Variants in KLHDC10 observed in about 807,000 individuals in gnomAD.
KLHDC10 encodes the protein kelch domain containing 10.
A neutral mutation model predicts 56.1 loss-of-function variants in KLHDC10; 24 were observed. The observed-to-expected ratio is 0.43, with a 90% CI of 0.31 to 0.60. KLHDC10 has a LOEUF of 0.60. Ranked by LOEUF, KLHDC10 falls within the 20% of genes least tolerant of loss-of-function variation. The pLI is 0.11. For missense variants in KLHDC10, 349 were observed against 567.0 expected, an observed-to-expected ratio of 0.62 and a Z score of 3.91; for synonymous variants, 188 against 207.1, an observed-to-expected ratio of 0.91 and a Z score of 0.79.
intron 2 of KLHDC10, among the ~76,000 whole-genome samples, chr7:130,102,752 G>C (rs1248451267): frequency 6.6e-6 from 1 of 152,204 alleles, no homozygotes; most frequent in African/African-American, 2.4e-5. Flanking sequence ...CTTGGACCTG[G>C]GAGGCAAAGG....
intron 1 of KLHDC10, among the ~76,000 whole-genome samples, chr7:130,078,541 CAG>C (rs1491346298): frequency 3.3e-5 from 5 of 151,730 alleles, no homozygotes; most frequent in African/African-American, 4.8e-5. Context: ...TTTTTTGAGA[CAG>C]AGTCTCGCTC....
intron 2 of KLHDC10, among the ~76,000 whole-genome samples, chr7:130,110,165 C>T (rs1471225116): frequency 6.6e-6 from 1 of 152,140 alleles, no homozygotes; most frequent in East Asian, 1.9e-4. Flanking sequence ...GCAGGACTAC[C>T]ACTGAAATAA....
At chr7:130,070,955 G>A (rs1795400563) in intron 1 of KLHDC10, 146 bp downstream of exon 1, 1 of 495,078 alleles carries the variant, frequency 2.0e-6, no homozygotes, top group South Asian at 1.1e-4. Context: ...GAAAAGGGAA[G>A]GTGTCTTTGA....
At chr7:130,108,195 A>G (rs1796042507) in intron 2 of KLHDC10, among the ~76,000 whole-genome samples, 1 of 151,412 alleles carries the variant, frequency 6.6e-6, no homozygotes, top group Non-Finnish European at 1.5e-5. Context: ...GCCACTGTAC[A>G]CCAGCCTGGG....
rs1795394106 is a variant in KLHDC10 at position 130,070,727 on chromosome 7, C to T, written c.84C>T (p.Gly28=). 6 of 543,680 alleles carry T rather than the reference C, an allele frequency of 1.1e-5. No homozygotes were observed. In the East Asian group the frequency reaches 1.3e-4, roughly 11 times the overall value. 33.7% of individuals were successfully genotyped at this position (543,680 alleles called of 1,614,324 possible). A position where few individuals can be genotyped will look rare whatever the true frequency, so the allele number is the denominator to read the frequency against. Residue 28 remains glycine, a synonymous_variant, in exon 1 of 10, where the codon GGC becomes GGT. Transcript: ENST00000335420. The part of the protein sequence containing the change: ...AGAGGGGSGA[G]GGSGGSGGRG... ...CTGGTGGCGGAGGTAGCGGGGCCGG[C>T]GGGGGCAGTGGGGGCAGCGGGGGTC...
intron 1 of KLHDC10, among the ~76,000 whole-genome samples, chr7:130,079,878 C>G (rs35777013): frequency 8.1e-6 from 1 of 124,184 alleles, no homozygotes. Context: ...TTCTTCCTCC[C>G]TCCCTCCCTT....
chr7:130,106,160 A>AAAT (rs1174767781), intron 2 of KLHDC10, among the ~76,000 whole-genome samples: 2 of 151,540 alleles, frequency 1.3e-5, no homozygotes, highest in African/African-American at 4.8e-5. Flanking sequence ...ATAAATAAAT[A>AAAT]AAATAAATAA....
At chr7:130,079,717 GCCTTCCTGCCTT>G (rs1250992492) in intron 1 of KLHDC10, among the ~76,000 whole-genome samples, 6 of 90,910 alleles carry the variant, frequency 6.6e-5, no homozygotes, top group Admixed American at 1.8e-4. Context: ...CTGCCTGCCT[GCCTTCCTGCCTT>G]CCTTCCTTCC....
At position 130,070,555 on chromosome 7, in the gene KLHDC10, G is replaced by T. The variant is rs894286540; in HGVS notation, c.-89G>T. Reference sequence around the variant, plus strand: ...CGCTGCCCCCTTCCCCTGTCTCCTGGGTCTCTGGAGGAGCCCAGGAAGGAG... The same window carrying T: ...CGCTGCCCCCTTCCCCTGTCTCCTGTGTCTCTGGAGGAGCCCAGGAAGGAG... On this transcript the variant is annotated 5_prime_UTR_variant, in exon 1 of 10. Transcript: ENST00000335420. The T allele has an allele frequency of 3.3e-6, 4 of 1,207,636 alleles. No homozygotes were observed. Among genetic ancestry groups the T allele is most frequent in the Non-Finnish European group, 4.2e-6 (4 of 955,310 alleles). The allele number at this position is 1,207,636 out of a possible 1,614,324, so 74.8% of individuals were successfully genotyped here.
At chr7:130,093,364 C>T (rs997723329) in intron 1 of KLHDC10, among the ~76,000 whole-genome samples, 2 of 152,072 alleles carry the variant, frequency 1.3e-5, no homozygotes, top group African/African-American at 4.8e-5. Context: ...GCCAGGACTA[C>T]AGGTGCATGA....
intron 3 of KLHDC10, among the ~76,000 whole-genome samples, chr7:130,118,230 C>T (rs1381342479): frequency 6.6e-6 from 1 of 152,200 alleles, no homozygotes; most frequent in East Asian, 1.9e-4. Flanking sequence ...AGCCACTTAG[C>T]TAGATCTTCT....
chr7:130,082,228 G>T (rs1011416851), intron 1 of KLHDC10, among the ~76,000 whole-genome samples: 1 of 152,166 alleles, frequency 6.6e-6, no homozygotes, highest in African/African-American at 2.4e-5. Flanking sequence ...GGACGCTGAG[G>T]CAGGAGGATT....
At chr7:130,096,612 C>T (rs1379608349) in intron 1 of KLHDC10, among the ~76,000 whole-genome samples, 2 of 152,080 alleles carry the variant, frequency 1.3e-5, no homozygotes, top group Admixed American at 1.3e-4. Flanking sequence ...TCATAAAGCT[C>T]CTGGTGAATT....
Position 130,133,065 on chromosome 7 carries a change from A to G in KLHDC10, c.*2319A>G, listed in dbSNP as rs1378322814. On this transcript the variant is annotated 3_prime_UTR_variant, in exon 10 of 10. Transcript: ENST00000335420. ...TCGAAGACCTGTGTGTTTTATTTTC[A>G]TAAAAGTATATATCCTTGGTCTAAA... The G allele has an allele frequency of 6.6e-6, 1 of 152,226 alleles. No homozygotes were observed. The highest frequency in any genetic ancestry group is 1.5e-5 in the Non-Finnish European group (1 of 68,040). 9.4% of individuals were successfully genotyped at this position (152,226 alleles called of 1,614,324 possible).
At chr7:130,087,683 C>A (rs559740414) in intron 1 of KLHDC10, among the ~76,000 whole-genome samples, 1 of 151,844 alleles carries the variant, frequency 6.6e-6, no homozygotes, top group Admixed American at 6.6e-5. Context: ...ATGCTAACCA[C>A]AAATATTTTG....
intron 1 of KLHDC10, among the ~76,000 whole-genome samples, chr7:130,074,617 CTCTT>C (rs1313412432): frequency 4.7e-5 from 7 of 148,862 alleles, no homozygotes; most frequent in Non-Finnish European, 1.0e-4. Flanking sequence ...AAGGTTCTCT[CTCTT>C]TTTTTTTTTT....
chr7:130,078,567 G>A (rs1795550001), intron 1 of KLHDC10, among the ~76,000 whole-genome samples: 1 of 151,540 alleles, frequency 6.6e-6, no homozygotes, highest in Non-Finnish European at 1.5e-5. Context: ...CACCCAGGCT[G>A]GAGTGCAATG....
chr7:130,109,079 A>AT (rs1401822161), intron 2 of KLHDC10, among the ~76,000 whole-genome samples: 1 of 151,206 alleles, frequency 6.6e-6, no homozygotes, highest in South Asian at 2.1e-4. Context: ...CACACCCTGT[A>AT]TTTTTTTAGT....
At chr7:130,086,763 G>GT in intron 1 of KLHDC10, among the ~76,000 whole-genome samples, 1 of 152,242 alleles carries the variant, frequency 6.6e-6, no homozygotes, top group Admixed American at 6.5e-5. Context: ...TATTTAGCTT[G>GT]TTTCTGGTTT....
Sources: gnomAD v4.1 joint callset for allele counts (sites outside exome capture counted in the v4.1 genomes callset) on GRCh38, gnomAD v4.1.1 for gene constraint, MANE v1.5 for transcripts, NCBI Gene and HGNC (gene_info 2026-07-23, HGNC 2026-07-21) for gene names.